The following JMJD1C variants were observed in gnomAD, a reference collection of about 807,000 sequenced individuals.
JMJD1C encodes jumonji domain-containing protein 1C.
In JMJD1C, 31 loss-of-function variants were observed where a neutral mutation model predicts 245.3. The observed-to-expected ratio is 0.13, with a 90% confidence interval of 0.09 to 0.17. The LOEUF (loss-of-function observed/expected upper bound fraction) is 0.17. Among genes scored for constraint, JMJD1C ranks in the 10% least tolerant of loss-of-function variants. JMJD1C has a pLI of 1.00. For synonymous variants in JMJD1C, 1,057 were observed against 1,017.4 expected (o/e 1.04, Z -0.74); for missense variants, 2,691 against 3,000.2 (o/e 0.90, Z 2.41).
intron 1 of JMJD1C, among the ~76,000 whole-genome samples, chr10:63,514,558 A>G (rs1041832544): frequency 6.6e-6 from 1 of 152,162 alleles, no homozygotes; most frequent in South Asian, 2.1e-4. Flanking sequence ...GCCCTAACTT[A>G]TAAGTGGGAG....
chr10:63,347,215 C>G (rs1481813183), intron 2 of JMJD1C, among the ~76,000 whole-genome samples: 1 of 151,842 alleles, frequency 6.6e-6, no homozygotes, highest in Non-Finnish European at 1.5e-5. Flanking sequence ...ATTACAGGTA[C>G]CTGCCACCAT....
chr10:63,366,680 G>A (rs1388637495), intron 2 of JMJD1C, among the ~76,000 whole-genome samples: 1 of 152,122 alleles, frequency 6.6e-6, no homozygotes, highest in African/African-American at 2.4e-5. Context: ...ATCATTTAAT[G>A]GAGGTAAACA....
chr10:63,384,099 A>G (rs150280217), intron 1 of JMJD1C, among the ~76,000 whole-genome samples: 16 of 152,298 alleles, frequency 1.1e-4, no homozygotes, highest in African/African-American at 3.4e-4. Context: ...TTCTTTGCCC[A>G]TCCATAAGAA....
intron 1 of JMJD1C, chr10:63,427,816 C>G (rs1487704635): frequency 2.7e-6 from 3 of 1,111,146 alleles, no homozygotes; most frequent in Non-Finnish European, 4.1e-6. Context: ...ATGCAAGGCC[C>G]CTTCTAAAAC....
intron 1 of JMJD1C, among the ~76,000 whole-genome samples, chr10:63,502,923 G>A (rs902793320): frequency 1.3e-5 from 2 of 152,088 alleles, no homozygotes; most frequent in Non-Finnish European, 2.9e-5. Context: ...AGAATAATGG[G>A]TAACAATTAC....
chr10:63,478,533 A>C (rs1443019434), intron 1 of JMJD1C, among the ~76,000 whole-genome samples: 1 of 152,224 alleles, frequency 6.6e-6, no homozygotes, highest in African/African-American at 2.4e-5. Flanking sequence ...GAGACTCATA[A>C]AACTCAAAAG....
At chr10:63,180,558 TA>T (rs1320747879) in intron 22 of JMJD1C, among the ~76,000 whole-genome samples, 3 of 152,226 alleles carry the variant, frequency 2.0e-5, no homozygotes, top group Non-Finnish European at 4.4e-5. Flanking sequence ...AAGGGCAATG[TA>T]AAAAGTTGAA....
chr10:63,327,153 C>G (rs2134143359), intron 2 of JMJD1C, among the ~76,000 whole-genome samples: 1 of 152,230 alleles, frequency 6.6e-6, no homozygotes, highest in Non-Finnish European at 1.5e-5. Flanking sequence ...CACCACTGTA[C>G]TCCAGCGTGA....
chr10:63,305,451 G>A (rs1006161278), intron 2 of JMJD1C, among the ~76,000 whole-genome samples: 8 of 102,092 alleles, frequency 7.8e-5, no homozygotes, highest in African/African-American at 3.4e-4. Flanking sequence ...ATGGCAAGAC[G>A]CTCTGACCCT....
rs371819371 is a variant in JMJD1C at position 63,193,069 on chromosome 10, G to A, written c.5945C>T (p.Ser1982Phe). The A allele has an allele frequency of 2.0e-5, 33 of 1,613,978 alleles. No individual in the cohort carries two copies. The highest frequency in any genetic ancestry group is 2.8e-5 in the Non-Finnish European group (33 of 1,180,006). The change falls in exon 16 of 26, where the codon TCT (serine) becomes TTT (phenylalanine). Residue 1982 changes from serine (S) to phenylalanine (F), a missense_variant. By Grantham distance (155) the Ser-to-Phe change is radical (BLOSUM62 -2). This residue lies in a region of JMJD1C where 275 missense variants were observed against 285.5 expected (regional missense o/e 0.96). Coordinates refer to ENST00000399262, the MANE Select transcript of JMJD1C (RefSeq NM_032776.3). ...TGGGCTGCTGCCACCATTTTTCTCA[G>A]ACTTCGGAGGAGTATTTTGCTGCTG... ...ESQQQNTPPK[S>F]EKNGGSSPES...
chr10:63,208,853 C>A (rs1025265289), intron 9 of JMJD1C, 52 bp from the exon 10 acceptor site: 3 of 1,398,522 alleles, frequency 2.1e-6, no homozygotes. Context: ...CTGCAAAATA[C>A]AAAGACAGCT....
At chr10:63,319,056 C>A (rs1447621752) in intron 2 of JMJD1C, among the ~76,000 whole-genome samples, 1 of 151,888 alleles carries the variant, frequency 6.6e-6, no homozygotes, top group African/African-American at 2.4e-5. Context: ...GCCAGGAGAT[C>A]GACACCATCC....
At chr10:63,244,122 C>G (rs770453415) in intron 3 of JMJD1C, among the ~76,000 whole-genome samples, 1 of 152,182 alleles carries the variant, frequency 6.6e-6, no homozygotes, top group Non-Finnish European at 1.5e-5. Flanking sequence ...GAAGGACTAC[C>G]ATCCCCAGTC....
At chr10:63,340,657 A>C (rs1300880028) in intron 2 of JMJD1C, among the ~76,000 whole-genome samples, 1 of 152,220 alleles carries the variant, frequency 6.6e-6, no homozygotes, top group Non-Finnish European at 1.5e-5. Context: ...AAGAAACAAA[A>C]GGATAGGCCA....
intron 2 of JMJD1C, among the ~76,000 whole-genome samples, chr10:63,319,684 C>G (rs1443404588): frequency 6.6e-6 from 1 of 152,104 alleles, no homozygotes; most frequent in Non-Finnish European, 1.5e-5. Context: ...GTCCTTTTAT[C>G]CCCGTGAAAT....
chr10:63,327,989 G>A (rs767511756), intron 2 of JMJD1C, among the ~76,000 whole-genome samples: 1 of 151,862 alleles, frequency 6.6e-6, no homozygotes, highest in Non-Finnish European at 1.5e-5. Context: ...TAGAAAAGTA[G>A]TAAGGCTAGG....
intron 2 of JMJD1C, among the ~76,000 whole-genome samples, chr10:63,304,506 G>C (rs1937737109): frequency 6.6e-6 from 1 of 152,146 alleles, no homozygotes; most frequent in Non-Finnish European, 1.5e-5. Context: ...AAAGACGTGG[G>C]ATTTAATTAA....
In JMJD1C at chr10:63,465,153, C is replaced by G. The variant is rs1168890834; in HGVS notation, c.168+342G>C. On this transcript the variant is annotated intron_variant, in intron 1 of 25. Transcript: ENST00000399262. The stretch of plus-strand genomic sequence containing the variant: ...GGTCCGCCCCCTACCCCCACCTGCC[C>G]GCGCGGCGCCGGACTCGCGGCTCCG... 4 of 329,016 alleles carry G rather than the reference C, an allele frequency of 1.2e-5. No individual in the cohort carries two copies. In the East Asian group the frequency reaches 1.8e-4, roughly 15 times the overall value. The allele number at this position is 329,016 out of a possible 1,614,324, so 20.4% of individuals were successfully genotyped here. A position where few individuals can be genotyped will look rare whatever the true frequency, so the allele number is the denominator to read the frequency against.
intron 1 of JMJD1C, among the ~76,000 whole-genome samples, chr10:63,505,053 C>T (rs913696136): frequency 1.3e-5 from 2 of 152,146 alleles, no homozygotes; most frequent in African/African-American, 4.8e-5. Context: ...TGGCTCACGC[C>T]TATAACCCCA....
Sources: gnomAD v4.1 joint callset for allele counts (sites outside exome capture counted in the v4.1 genomes callset) on GRCh38, gnomAD v4.1.1 for gene constraint, gnomAD v4.1.1 regional missense constraint, MANE v1.5 for transcripts, NCBI Gene and HGNC (gene_info 2026-07-23, HGNC 2026-07-21) for gene names.